Variants in EPHA8 observed in about 807,000 individuals in gnomAD.
The protein encoded by EPHA8 is EPH receptor A8.
In EPHA8, 58 loss-of-function variants were observed where a neutral mutation model predicts 103.6. The ratio of observed to expected loss-of-function variants is 0.56; its 90% confidence interval spans 0.45 to 0.70. The LOEUF (loss-of-function observed/expected upper bound fraction) is 0.70. Ranked by LOEUF, EPHA8 falls within the 30% of genes least tolerant of loss-of-function variation. The pLI, the probability that EPHA8 is intolerant of heterozygous loss-of-function variation, is 0.00. For synonymous variants in EPHA8, 559 were observed against 572.5 expected, an observed-to-expected ratio of 0.98 and a Z score of 0.34; for missense variants, 1,304 against 1,395.2, an observed-to-expected ratio of 0.93 and a Z score of 1.04.
rs774731033 is a variant in EPHA8 at position 22,599,046 on chromosome 1, C to A, written c.2387C>A (p.Thr796Lys). The A allele has an allele frequency of 1.3e-6, 2 of 1,596,038 alleles. No homozygotes were observed. Among genetic ancestry groups the A allele is most frequent in the Non-Finnish European group, 1.7e-6 (2 of 1,171,774 alleles). ...GACCCGGATGCTGCCTACACCACCA[C>A]GGTGCGTCGCCCACACTCCTTCCGG... ...EDDPDAAYTT[T>K]GGKIPIRWTA... is the part of the protein sequence containing the mutation. Residue 796 changes from threonine (T) to lysine (K), a missense_variant and splice_region_variant, in exon 13 of 17, where the codon ACG (threonine) becomes AAG (lysine). Transcript: ENST00000166244.
At chr1:22,599,462 A>C (rs925333899) in intron 13 of EPHA8, among the ~76,000 whole-genome samples, 1 of 152,016 alleles carries the variant, frequency 6.6e-6, no homozygotes, top group African/African-American at 2.4e-5. Context: ...AGCTGAGTGC[A>C]TGGGGGCCAG....
At chr1:22,585,983 C>T (rs1040814675) in intron 3 of EPHA8, among the ~76,000 whole-genome samples, 4 of 152,106 alleles carry the variant, frequency 2.6e-5, no homozygotes, top group Non-Finnish European at 5.9e-5. Flanking sequence ...CCTTTCTAGT[C>T]GCATTCCCAG....
rs772130793 is a variant in EPHA8, at chr1:22,593,642, G to A, written c.1559G>A (p.Cys520Tyr). ...FQVRARTSAG[C>Y]GRFSQAMEVE... ...GTCCGAGCCCGCACCTCAGCAGGCT[G>A]TGGCCGCTTCAGCCAGGCCATGGAG... The change falls in exon 7 of 17, where the codon TGT (cysteine) becomes TAT (tyrosine). Residue 520 changes from cysteine (C) to tyrosine (Y), a missense_variant. Transcript: ENST00000166244. 31 of 1,606,874 alleles carry A rather than the reference G, an allele frequency of 1.9e-5. No homozygotes were observed. Among genetic ancestry groups the A allele is most frequent in the Non-Finnish European group, 2.5e-5 (30 of 1,177,204 alleles).
chr1:22,578,635 GTGTATGTGTA>G (rs1435089456), intron 3 of EPHA8, among the ~76,000 whole-genome samples: 5 of 145,820 alleles, frequency 3.4e-5, no homozygotes, highest in African/African-American at 5.5e-5. Flanking sequence ...GTGTGCATGT[GTGTATGTGTA>G]TGTGTGTGCA....
At position 22,601,336 on chromosome 1, in the gene EPHA8, C is replaced by T. The variant is rs368646535; in HGVS notation, c.2766C>T (p.Asp922=). 4.4e-6 allele frequency: 7 copies of T among 1,607,320 alleles called. No individual in the cohort carries two copies. The highest frequency in any genetic ancestry group is 2.2e-5 in the South Asian group (2 of 90,494). The part of the protein sequence containing the change: ...PPPAFVRSCF[D]LRGGSGGGGG... ...CTGCCTTCGTCCGGAGCTGCTTTGA[C>T]CTCCGAGGGGGCAGCGGTGGCGGTG... is the stretch of plus-strand genomic sequence containing the variant. Residue 922 remains aspartate (D), a synonymous_variant, in exon 16 of 17, where the codon GAC becomes GAT. Transcript: ENST00000166244.
At chr1:22,582,801 C>T (rs1032466357) in intron 3 of EPHA8, among the ~76,000 whole-genome samples, 3 of 152,198 alleles carry the variant, frequency 2.0e-5, no homozygotes, top group Admixed American at 1.3e-4. Flanking sequence ...CATCACCCAG[C>T]GGAGCAGCAG....
In EPHA8 at chr1:22,567,294, A is replaced by C. The variant is rs1640387386; in HGVS notation, c.95-1995A>C. Among the ~76,000 whole-genome samples, 1 of 152,024 alleles carries C rather than the reference A, an allele frequency of 6.6e-6. No individual in the cohort carries two copies. Among genetic ancestry groups the C allele is most frequent in the South Asian group, 2.1e-4 (1 of 4,826 alleles). ...TGTGTCCTTCCCTCACCATCTCCCC[A>C]AACTCGGCTTTGCTGGTCTGGGGGA... On this transcript the variant is annotated intron_variant, in intron 1 of 16. Coordinates refer to ENST00000166244, the MANE Select transcript of EPHA8 (RefSeq NM_020526.5). This position sits in a 1 kb window ranked among gnomAD's most constrained non-coding sequence, Gnocchi z 4.2.
chr1:22,566,472 G>A (rs1462723315), intron 1 of EPHA8, among the ~76,000 whole-genome samples: 1 of 152,250 alleles, frequency 6.6e-6, no homozygotes. Context: ...CCCAGAGCAG[G>A]AGAGGGACCC....
intron 4 of EPHA8, 75 bp downstream of exon 4, chr1:22,586,710 C>T: frequency 6.4e-7 from 1 of 1,560,128 alleles, no homozygotes; most frequent in Non-Finnish European, 8.7e-7. Flanking sequence ...TCCTCCAGGC[C>T]TCAGAGAGCC....
At chr1:22,587,080 T>G (rs1445269246) in intron 4 of EPHA8, among the ~76,000 whole-genome samples, 1 of 152,216 alleles carries the variant, frequency 6.6e-6, no homozygotes, top group African/African-American at 2.4e-5. Flanking sequence ...TACATGTGTA[T>G]GGTGTGTGTG....
chr1:22,582,177 G>A (rs962682605), intron 3 of EPHA8, among the ~76,000 whole-genome samples: 1 of 152,212 alleles, frequency 6.6e-6, no homozygotes, highest in African/African-American at 2.4e-5. Flanking sequence ...GACCTGCTGA[G>A]GTCCATGGGG....
intron 4 of EPHA8, among the ~76,000 whole-genome samples, chr1:22,588,517 C>T (rs1011909019): frequency 1.3e-5 from 2 of 152,068 alleles, no homozygotes; most frequent in Non-Finnish European, 2.9e-5. Flanking sequence ...ACCTGGGTCA[C>T]TTACACACAG....
Position 22,576,404 on chromosome 1 carries a change from G to A in EPHA8, c.347G>A (p.Gly116Asp). ...TGCAACAGCATGCCTGGTGTGCTGGGCACCTGCAAGGAGACCTTCAACCTC... is the reference window on the plus strand; with the variant it reads ...TGCAACAGCATGCCTGGTGTGCTGGACACCTGCAAGGAGACCTTCAACCTC... ...RDCNSMPGVL[G>D]TCKETFNLYY... The change falls in exon 3 of 17, where the codon GGC becomes GAC. Residue 116 changes from glycine (G) to aspartate (D), a missense_variant. Physicochemically the swap from Gly to Asp is moderately conservative, Grantham distance 94. Transcript: ENST00000166244. This position sits in a 1 kb window ranked among gnomAD's most constrained non-coding sequence, Gnocchi z 4.8. The A allele has an allele frequency of 2.5e-6, 4 of 1,613,894 alleles. No homozygotes were observed. Among genetic ancestry groups the A allele is most frequent in the East Asian group, 2.2e-5 (1 of 44,870 alleles).
chr1:22,582,552 C>T (rs966471572), intron 3 of EPHA8, among the ~76,000 whole-genome samples: 1 of 152,212 alleles, frequency 6.6e-6, no homozygotes, highest in African/African-American at 2.4e-5. Context: ...AATGTCAGAG[C>T]CATGTGGGGT....
intron 7 of EPHA8, among the ~76,000 whole-genome samples, chr1:22,594,043 G>A (rs182500737): frequency 6.6e-6 from 1 of 152,354 alleles, no homozygotes; most frequent in Non-Finnish European, 1.5e-5. Context: ...ATCTTGGCCA[G>A]GCTGGTCTCG....
intron 9 of EPHA8, among the ~76,000 whole-genome samples, 168 bp downstream of exon 9, chr1:22,596,341 G>A (rs1416982174): frequency 1.3e-5 from 2 of 152,212 alleles, no homozygotes; most frequent in Non-Finnish European, 2.9e-5. Flanking sequence ...AGAGGGCAGC[G>A]CCGTTCATGC....
intron 3 of EPHA8, among the ~76,000 whole-genome samples, chr1:22,583,756 A>G (rs1641111331): frequency 6.6e-6 from 1 of 152,242 alleles, no homozygotes; most frequent in Non-Finnish European, 1.5e-5. Context: ...CACTGAGCTC[A>G]GATAAAGGGG....
intron 5 of EPHA8, among the ~76,000 whole-genome samples, chr1:22,591,599 G>A (rs1050637584): frequency 3.3e-5 from 5 of 152,096 alleles, no homozygotes; most frequent in African/African-American, 4.8e-5. Flanking sequence ...TAGGCTGAGC[G>A]CACATGCAAT....
chr1:22,583,968 A>G (rs1641117895), intron 3 of EPHA8, among the ~76,000 whole-genome samples: 1 of 152,204 alleles, frequency 6.6e-6, no homozygotes. Context: ...CCCAGCTCTT[A>G]CTTCTCTTGG....
Sources: allele counts gnomAD v4.1 joint callset (sites outside exome capture counted in the v4.1 genomes callset), GRCh38; gene constraint gnomAD v4.1.1; non-coding constraint Gnocchi (gnomAD v3.1); transcripts MANE v1.5; gene names NCBI Gene and HGNC (gene_info 2026-07-23, HGNC 2026-07-21).